TTLL11: variants seen among roughly 807,000 people sequenced by gnomAD.
The protein encoded by TTLL11 is tubulin tyrosine ligase like 11.
Under a neutral mutation model 51.7 loss-of-function variants are expected in TTLL11, and 42 were observed. The observed-to-expected ratio is 0.81, with a 90% confidence interval of 0.64 to 1.05. TTLL11 has a LOEUF of 1.05. Ranked by LOEUF, TTLL11 falls within the 50% of genes least tolerant of loss-of-function variation. The pLI, the probability that TTLL11 is intolerant of heterozygous loss-of-function variation, is 0.00. For missense variants in TTLL11, 799 were observed against 940.4 expected (o/e 0.85, Z 1.97); for synonymous variants, 381 against 383.5 (o/e 0.99, Z 0.08).
chr9:121,820,166 C>T lies in TTLL11; in HGVS notation c.*2421G>A, dbSNP rs1256442888. Among the ~76,000 whole-genome samples the T allele has an allele frequency of 1.3e-5, 2 of 152,244 alleles. No homozygotes were observed. The highest frequency in any genetic ancestry group is 2.4e-5 in the African/African-American group (1 of 41,464). ...CCCTCACCAGGAGAGCTGATGTTTT[C>T]ATATCACCCCAAACAAGGTGGCTGG... is the stretch of plus-strand genomic sequence containing the variant. On this transcript the variant is annotated 3_prime_UTR_variant, in exon 9 of 9. Transcript: ENST00000321582.
intron 8 of TTLL11, among the ~76,000 whole-genome samples, chr9:121,840,666 G>T (rs1424402741): frequency 6.6e-6 from 1 of 152,204 alleles, no homozygotes; most frequent in African/African-American, 2.4e-5. Flanking sequence ...AAAGTGCTGG[G>T]ATTACAGGCA....
intron 1 of TTLL11, among the ~76,000 whole-genome samples, chr9:122,065,787 ACTAT>A (rs1352491348): frequency 1.3e-5 from 2 of 152,210 alleles, no homozygotes; most frequent in African/African-American, 2.4e-5. Context: ...GTGGCCTGAC[ACTAT>A]CAGGTCATTA....
chr9:122,055,245 A>AC (rs1845264867), intron 1 of TTLL11, among the ~76,000 whole-genome samples: 1 of 152,082 alleles, frequency 6.6e-6, no homozygotes, highest in Non-Finnish European at 1.5e-5. Context: ...AGATAGATAA[A>AC]GGGGAGTTTA....
At chr9:122,092,033 G>A (rs1273351384) in intron 1 of TTLL11, among the ~76,000 whole-genome samples, 1 of 152,180 alleles carries the variant, frequency 6.6e-6, no homozygotes, top group Non-Finnish European at 1.5e-5. Context: ...TGGTGATGAT[G>A]GTGGAAGAAG....
chr9:121,968,605 G>A (rs189659034), intron 6 of TTLL11, among the ~76,000 whole-genome samples: 1 of 152,094 alleles, frequency 6.6e-6, no homozygotes, highest in African/African-American at 2.4e-5. Flanking sequence ...TTGCCAGGCC[G>A]GAGTGCAGTG....
In TTLL11 at chr9:122,038,368, G is replaced by A. The variant is rs537611621; in HGVS notation, c.559+904C>T. 2.0e-4 allele frequency among the ~76,000 whole-genome samples: 30 copies of A among 152,214 alleles called. 1 individual carries two copies. Among genetic ancestry groups the A allele is most frequent in the South Asian group, 1.7e-3 (8 of 4,824 alleles). ...GCCATCAAAAATAATGAAGAGACCC[G>A]GTACAGTGGCTCACGCTTGTAATCC... On this transcript the variant is annotated intron_variant, in intron 2 of 8. Transcript: ENST00000321582.
chr9:121,892,798 G>T (rs971784334), intron 6 of TTLL11, among the ~76,000 whole-genome samples: 3 of 152,204 alleles, frequency 2.0e-5, no homozygotes, highest in African/African-American at 7.2e-5. Context: ...GGTCCCCTTT[G>T]TCGTGGCCAC....
At chr9:121,986,267 G>C (rs574060206) in intron 4 of TTLL11, among the ~76,000 whole-genome samples, 3 of 152,284 alleles carry the variant, frequency 2.0e-5, no homozygotes, top group East Asian at 1.9e-4. Flanking sequence ...AGCAAGACAT[G>C]CAGCAAAACA....
intron 3 of TTLL11, among the ~76,000 whole-genome samples, chr9:122,029,087 T>C (rs1306487967): frequency 2.0e-5 from 3 of 152,218 alleles, no homozygotes; most frequent in Admixed American, 1.3e-4. Flanking sequence ...CACAGTGCAT[T>C]ACTCATGTTT....
At chr9:121,859,397 A>G (rs1837934948) in intron 8 of TTLL11, among the ~76,000 whole-genome samples, 1 of 151,770 alleles carries the variant, frequency 6.6e-6, no homozygotes, top group Non-Finnish European at 1.5e-5. Context: ...GATACTTGGG[A>G]GGCTGAGGCA....
intron 6 of TTLL11, among the ~76,000 whole-genome samples, chr9:121,887,673 A>G (rs1839063333): frequency 6.6e-6 from 1 of 152,234 alleles, no homozygotes. Context: ...GGCCGACCAC[A>G]GCGAGGAGAG....
chr9:122,040,736 T>C (rs578091070), intron 1 of TTLL11, among the ~76,000 whole-genome samples: 162 of 152,292 alleles, frequency 1.1e-3, no homozygotes, highest in African/African-American at 3.8e-3. Flanking sequence ...CAGCCTCAAG[T>C]CATTTAAATC....
Position 122,031,718 on chromosome 9 carries a change from T to C in TTLL11, c.693+5A>G, listed in dbSNP as rs1169817959. On this transcript the variant is annotated splice_donor_5th_base_variant and intron_variant, in intron 3 of 8. Transcript: ENST00000321582. ...CAGGGGTCATGGGGACGGAGTGCCA[T>C]CTACCTGAGCAACAAAGAGCTGGAA... 2.5e-6 allele frequency: 4 copies of C among 1,612,068 alleles called. No individual in the cohort carries two copies. Among genetic ancestry groups the C allele is most frequent in the South Asian group, 1.1e-5 (1 of 90,978 alleles).
At chr9:122,052,594 C>T (rs1179110949) in intron 1 of TTLL11, among the ~76,000 whole-genome samples, 1 of 152,170 alleles carries the variant, frequency 6.6e-6, no homozygotes, top group African/African-American at 2.4e-5. Flanking sequence ...TCATTCTTCA[C>T]CTCATACTTA....
chr9:121,837,891 C>A (rs764291641), intron 8 of TTLL11, among the ~76,000 whole-genome samples: 44 of 152,238 alleles, frequency 2.9e-4, no homozygotes, highest in Non-Finnish European at 5.0e-4. Flanking sequence ...GGAAGCCTCC[C>A]TCCTGGAGAC....
chr9:121,999,282 T>C (rs1427649671), intron 3 of TTLL11, among the ~76,000 whole-genome samples: 1 of 152,104 alleles, frequency 6.6e-6, no homozygotes, highest in African/African-American at 2.4e-5. Flanking sequence ...AGCAGATAAC[T>C]CCCCACTCTC....
At chr9:121,968,793 T>G (rs1842479892) in intron 6 of TTLL11, among the ~76,000 whole-genome samples, 1 of 151,962 alleles carries the variant, frequency 6.6e-6, no homozygotes, top group Non-Finnish European at 1.5e-5. Flanking sequence ...ACTCCTGACC[T>G]TGTGATCTGC....
intron 3 of TTLL11, among the ~76,000 whole-genome samples, chr9:122,030,962 AATAAAATAT>A: frequency 6.6e-6 from 1 of 152,134 alleles, no homozygotes; most frequent in East Asian, 1.9e-4. Flanking sequence ...AATAAAAATA[AATAAAATAT>A]GTTAAACTTC....
intron 6 of TTLL11, among the ~76,000 whole-genome samples, chr9:121,954,918 T>C (rs1369989514): frequency 2.0e-5 from 3 of 152,214 alleles, no homozygotes; most frequent in Non-Finnish European, 2.9e-5. Flanking sequence ...TTTTGCACAA[T>C]AGCAGTCTCT....
Sources: allele counts gnomAD v4.1 joint callset (sites outside exome capture counted in the v4.1 genomes callset), GRCh38; gene constraint gnomAD v4.1.1; transcripts MANE v1.5; gene names NCBI Gene and HGNC (gene_info 2026-07-23, HGNC 2026-07-21).